Variants in AOPEP observed in about 807,000 individuals in gnomAD.
AOPEP encodes aminopeptidase O (putative).
In AOPEP, 77 loss-of-function variants were observed where a neutral mutation model predicts 98.1. The observed-to-expected ratio is 0.78, with a 90% CI of 0.65 to 0.95. The LOEUF is 0.95. Among genes scored for constraint, AOPEP ranks in the 40% least tolerant of loss-of-function variants. The pLI is 0.00. For synonymous variants in AOPEP, 346 were observed against 365.3 expected, an observed-to-expected ratio of 0.95 and a Z score of 0.60; for missense variants, 1,024 against 1,024.7, an observed-to-expected ratio of 1.00 and a Z score of 0.01.
At chr9:95,087,696 T>C (rs1027751814), downstream of AOPEP, among the ~76,000 whole-genome samples, 2 of 152,152 alleles carry the variant, frequency 1.3e-5, no homozygotes, top group Admixed American at 6.5e-5. Flanking sequence ...CGTGGGAGTC[T>C]GGTGGTATGA....
At chr9:95,005,308 C>G (rs2061913011) in intron 12 of AOPEP, 88 bp downstream of exon 12, 1 of 792,656 alleles carries the variant, frequency 1.3e-6, no homozygotes, top group Non-Finnish European at 1.6e-6. Context: ...CGCTGCGGCG[C>G]GCGGGTGCGG....
At chr9:95,131,210 ATGTGCTCTTCTC>A in the AOPEP span, among the ~76,000 whole-genome samples, 1 of 152,210 alleles carries the variant, frequency 6.6e-6, no homozygotes, top group African/African-American at 2.4e-5. Flanking sequence ...TTAAATTTAC[ATGTGCTCTTCTC>A]TGTGTTTGGA....
intron 2 of AOPEP, among the ~76,000 whole-genome samples, chr9:94,765,716 C>A (rs1040200319): frequency 6.6e-6 from 1 of 151,992 alleles, no homozygotes; most frequent in Non-Finnish European, 1.5e-5. Context: ...GAGAAGAAAA[C>A]ATATTTGAAG....
chr9:94,863,189 A>G (rs1316753480), intron 5 of AOPEP, among the ~76,000 whole-genome samples: 1 of 150,952 alleles, frequency 6.6e-6, no homozygotes, highest in African/African-American at 2.4e-5. Context: ...CTGCTCTACC[A>G]TCCTAGCCTA....
intron 13 of AOPEP, among the ~76,000 whole-genome samples, chr9:95,006,375 T>C (rs181869995): frequency 2.0e-5 from 3 of 152,348 alleles, no homozygotes; most frequent in Admixed American, 2.0e-4. Flanking sequence ...AATAGCGGTG[T>C]GTTTTTCTGC....
At chr9:94,914,017 A>G (rs997676720) in intron 5 of AOPEP, among the ~76,000 whole-genome samples, 1 of 152,226 alleles carries the variant, frequency 6.6e-6, no homozygotes, top group African/African-American at 2.4e-5. Flanking sequence ...AAATCATCTT[A>G]TAGCCATAAA....
At chr9:95,102,818 C>T in the AOPEP span, among the ~76,000 whole-genome samples, 7 of 152,200 alleles carry the variant, frequency 4.6e-5, no homozygotes, top group Admixed American at 2.6e-4. Flanking sequence ...AGCGTGGGGA[C>T]GCAGAGCTAA....
chr9:95,137,897 C>CAG, the AOPEP span, among the ~76,000 whole-genome samples: 1 of 152,212 alleles, frequency 6.6e-6, no homozygotes, highest in Non-Finnish European at 1.5e-5. Flanking sequence ...CAGCACATGG[C>CAG]AGAGAGAGGA....
the AOPEP span, chr9:95,111,631 G>A: frequency 3.0e-5 from 48 of 1,614,124 alleles, 1 homozygote; most frequent in Middle Eastern, 1.6e-4. Flanking sequence ...AGGGACCTCC[G>A]CAGGACCTGG....
intron 5 of AOPEP, among the ~76,000 whole-genome samples, chr9:94,807,984 C>T (rs1020402228): frequency 3.9e-5 from 6 of 152,192 alleles, no homozygotes; most frequent in African/African-American, 1.4e-4. Flanking sequence ...TGCCTTGTCT[C>T]TACATTTCAC....
intron 11 of AOPEP, among the ~76,000 whole-genome samples, chr9:95,002,456 G>T (rs934793249): frequency 2.0e-4 from 30 of 152,236 alleles, no homozygotes; most frequent in African/African-American, 7.0e-4. Flanking sequence ...CACAGAGTGA[G>T]CCCTAATGTA....
intron 7 of AOPEP, chr9:94,933,326 A>T: frequency 1.0e-6 from 1 of 985,470 alleles, no homozygotes; most frequent in Non-Finnish European, 1.2e-6. Flanking sequence ...GGCCCCAGGG[A>T]TGGAAGAGCT....
intron 1 of AOPEP, among the ~76,000 whole-genome samples, chr9:94,740,116 T>C (rs140244622): frequency 6.6e-6 from 1 of 151,092 alleles, no homozygotes; most frequent in Non-Finnish European, 1.5e-5. Context: ...GCAGAAAGAG[T>C]TGGGGGAAGC....
At chr9:95,127,707 C>T in the AOPEP span, among the ~76,000 whole-genome samples, 1 of 152,140 alleles carries the variant, frequency 6.6e-6, no homozygotes, top group Non-Finnish European at 1.5e-5. Flanking sequence ...GTTCACAGGC[C>T]CCCGTCGGCA....
intron 11 of AOPEP, among the ~76,000 whole-genome samples, chr9:94,984,638 C>T (rs2060404134): frequency 6.6e-6 from 1 of 152,048 alleles, no homozygotes; most frequent in Non-Finnish European, 1.5e-5. Context: ...TGTATATACC[C>T]AATAAAATAT....
intron 5 of AOPEP, among the ~76,000 whole-genome samples, chr9:94,860,345 T>C (rs886125576): frequency 6.6e-6 from 1 of 151,266 alleles, no homozygotes; most frequent in African/African-American, 2.4e-5. Flanking sequence ...CATATAAATC[T>C]GAGCTTCATT....
At chr9:94,996,391 T>TGTGTGTGA (rs375605056) in intron 11 of AOPEP, among the ~76,000 whole-genome samples, 76 of 144,648 alleles carry the variant, frequency 5.3e-4, no homozygotes, top group East Asian at 2.2e-3. Flanking sequence ...TGTGTGTGTG[T>TGTGTGTGA]GAGAGAGAGA....
At chr9:94,860,498 A>G (rs2044801566) in intron 5 of AOPEP, among the ~76,000 whole-genome samples, 1 of 152,266 alleles carries the variant, frequency 6.6e-6, no homozygotes, top group South Asian at 2.1e-4. Context: ...TGGCAGTGGA[A>G]TGGTGAGATG....
chr9:94,950,744 G>T (rs1353347068), intron 7 of AOPEP, among the ~76,000 whole-genome samples: 1 of 152,228 alleles, frequency 6.6e-6, no homozygotes, highest in Non-Finnish European at 1.5e-5. Context: ...GTTTATAGTT[G>T]AAGAATCTCT....
Sources: allele counts gnomAD v4.1 joint callset (sites outside exome capture counted in the v4.1 genomes callset), GRCh38; gene constraint gnomAD v4.1.1; transcripts MANE v1.5; gene names NCBI Gene and HGNC (gene_info 2026-07-23, HGNC 2026-07-21).